Variants in CELF2 observed in about 807,000 individuals in gnomAD.
CELF2 encodes the protein CUG triplet repeat RNA-binding protein 2.
Under a neutral mutation model 62.6 loss-of-function variants are expected in CELF2, and 8 were observed. That is an observed-to-expected ratio of 0.13 (90% confidence interval 0.07 to 0.23). The LOEUF (loss-of-function observed/expected upper bound fraction) is 0.23. CELF2 is among the 10% of genes least tolerant of loss of function. The pLI is 1.00. For synonymous variants in CELF2, 258 were observed against 250.0 expected, an observed-to-expected ratio of 1.03 and a Z score of -0.30; for missense variants, 333 against 671.0, an observed-to-expected ratio of 0.50 and a Z score of 5.56.
At chr10:10,538,133 T>C in the CELF2 span, among the ~76,000 whole-genome samples, 2 of 151,924 alleles carry the variant, frequency 1.3e-5, no homozygotes, top group Non-Finnish European at 2.9e-5. Context: ...ATCCTGAGAG[T>C]TGTTGCTAGT....
chr10:11,074,444 T>C (rs536866626), intron 1 of CELF2, among the ~76,000 whole-genome samples: 5 of 152,344 alleles, frequency 3.3e-5, no homozygotes, highest in Admixed American at 1.3e-4. Flanking sequence ...CATCACTGAA[T>C]TGAACCCTTC....
At chr10:10,476,088 A>T in the CELF2 span, among the ~76,000 whole-genome samples, 1 of 152,160 alleles carries the variant, frequency 6.6e-6, no homozygotes, top group East Asian at 1.9e-4. Context: ...TGGCTTAGTT[A>T]GGAGTAATTG....
the CELF2 span, among the ~76,000 whole-genome samples, chr10:10,657,174 AT>A: frequency 6.6e-6 from 1 of 152,184 alleles, no homozygotes; most frequent in Non-Finnish European, 1.5e-5. Context: ...AATAATGCAT[AT>A]GTCCATTTAT....
chr10:10,661,545 G>C, the CELF2 span, among the ~76,000 whole-genome samples: 1 of 152,192 alleles, frequency 6.6e-6, no homozygotes, highest in Non-Finnish European at 1.5e-5. Context: ...ATATACCTAG[G>C]AGTGGAATTG....
At chr10:10,886,781 A>C (rs1007209917) in intron 1 of CELF2, among the ~76,000 whole-genome samples, 16 of 152,198 alleles carry the variant, frequency 1.1e-4, no homozygotes, top group African/African-American at 3.6e-4. Flanking sequence ...GGCGGCAGTG[A>C]GCTGTGATCA....
chr10:10,984,334 C>A (rs147697549), intron 2 of CELF2, among the ~76,000 whole-genome samples: 2 of 152,292 alleles, frequency 1.3e-5, no homozygotes, highest in East Asian at 3.9e-4. Context: ...GCAATGCAGG[C>A]TGCCAAGTAG....
chr10:11,041,171 A>G (rs1593798593), intron 1 of CELF2, among the ~76,000 whole-genome samples: 1 of 152,352 alleles, frequency 6.6e-6, no homozygotes, highest in East Asian at 1.9e-4. Context: ...AAAGAGCACT[A>G]ATTCCATCAC....
intron 1 of CELF2, among the ~76,000 whole-genome samples, chr10:11,053,323 T>C (rs531972275): frequency 6.6e-6 from 1 of 152,360 alleles, no homozygotes; most frequent in African/African-American, 2.4e-5. Context: ...CAGAATACTC[T>C]GATCTCTCTC....
chr10:10,635,604 G>T, the CELF2 span, among the ~76,000 whole-genome samples: 3 of 152,276 alleles, frequency 2.0e-5, no homozygotes, highest in African/African-American at 7.2e-5. Flanking sequence ...TGTAGAAAGG[G>T]AATGAATGTA....
chr10:10,836,067 G>A (rs1369342313), intron 1 of CELF2, among the ~76,000 whole-genome samples: 1 of 152,220 alleles, frequency 6.6e-6, no homozygotes, highest in Non-Finnish European at 1.5e-5. Flanking sequence ...AAGAATAGGA[G>A]TCCCATGGAC....
At chr10:10,719,210 G>A in the CELF2 span, among the ~76,000 whole-genome samples, 3 of 151,714 alleles carry the variant, frequency 2.0e-5, no homozygotes, top group African/African-American at 4.8e-5. Flanking sequence ...CACCCACCTC[G>A]GCTTCTCAAA....
At chr10:10,561,879 T>A in the CELF2 span, among the ~76,000 whole-genome samples, 1 of 152,186 alleles carries the variant, frequency 6.6e-6, no homozygotes, top group East Asian at 1.9e-4. Flanking sequence ...AAGGTAAGCC[T>A]TTCTTTTTCC....
chr10:11,196,652 A>G (rs971932729), intron 2 of CELF2, among the ~76,000 whole-genome samples: 1 of 149,728 alleles, frequency 6.7e-6, no homozygotes, highest in African/African-American at 2.5e-5. Flanking sequence ...CTCTCTTTAA[A>G]AAAAACAAAA....
chr10:10,928,918 C>T lies in CELF2; in HGVS notation c.89+8919C>T, dbSNP rs117212917. On this transcript the variant is annotated intron_variant, in intron 2 of 13. Coordinates refer to the CELF2 transcript ENST00000636488. The surrounding 1 kb of genome is among the most constrained non-coding windows in gnomAD (Gnocchi z 4.8). Reference sequence around the variant, plus strand: ...ATAAATATTTGCATAAGTGTTTGACCGTCTGAATAGATGTTTAAATGAATT... The same window carrying T: ...ATAAATATTTGCATAAGTGTTTGACTGTCTGAATAGATGTTTAAATGAATT... Among the ~76,000 whole-genome samples, 861 of 152,160 alleles carry T rather than the reference C, an allele frequency of 5.7e-3. 3 individuals are homozygous for T. Among genetic ancestry groups the T allele is most frequent in the Non-Finnish European group, 9.2e-3 (625 of 68,000 alleles).
At chr10:11,042,238 G>A (rs1247851470) in intron 1 of CELF2, among the ~76,000 whole-genome samples, 4 of 152,160 alleles carry the variant, frequency 2.6e-5, no homozygotes, top group African/African-American at 9.7e-5. Context: ...ATTTGATCCC[G>A]AGCTTTTTAA....
At chr10:10,892,310 C>T (rs2062203763) in intron 1 of CELF2, among the ~76,000 whole-genome samples, 1 of 152,080 alleles carries the variant, frequency 6.6e-6, no homozygotes, top group South Asian at 2.1e-4. Context: ...TGGCCAAGGT[C>T]ACTCACCCAC....
the CELF2 span, among the ~76,000 whole-genome samples, chr10:10,551,757 G>A: frequency 6.6e-6 from 1 of 152,194 alleles, no homozygotes; most frequent in East Asian, 1.9e-4. Context: ...CTATGAAAAG[G>A]AGCAGGGTCC....
upstream of CELF2, among the ~76,000 whole-genome samples, chr10:11,004,582 C>G (rs1329305843): frequency 6.6e-6 from 1 of 152,102 alleles, no homozygotes; most frequent in Non-Finnish European, 1.5e-5. The surrounding 1 kb of genome is among the most constrained non-coding windows in gnomAD (Gnocchi z 5.0). Flanking sequence ...AAAAGAGCAA[C>G]TCATTGGTCT....
Position 11,319,788 on chromosome 10 carries a change from T to C in CELF2, c.1097-1401T>C, listed in dbSNP as rs1280787501. 4.2e-6 allele frequency: 2 copies of C among 470,932 alleles called. No individual in the cohort carries two copies. Among genetic ancestry groups the C allele is most frequent in the African/African-American group, 2.0e-5 (1 of 49,996 alleles). 29.2% of individuals were successfully genotyped at this position (470,932 alleles called of 1,614,324 possible). On this transcript the variant is annotated intron_variant, in intron 10 of 12. Transcript: ENST00000633077. This position sits in a 1 kb window ranked among gnomAD's most constrained non-coding sequence, Gnocchi z 4.4. ...CTGTTAAGCTATAGCCTAATTCATA[T>C]CTTACATGTGTCCTTTTAATTGAAG...
Sources: gnomAD v4.1 joint callset for allele counts (sites outside exome capture counted in the v4.1 genomes callset) on GRCh38, gnomAD v4.1.1 for gene constraint, Gnocchi (gnomAD v3.1) non-coding constraint, MANE v1.5 for transcripts, NCBI Gene and HGNC (gene_info 2026-07-23, HGNC 2026-07-21) for gene names.